The following LY75 variants were observed in gnomAD, a reference collection of about 807,000 sequenced individuals.
LY75 encodes the protein lymphocyte antigen 75, also known as C-type lectin domain family 13 member B.
Under a neutral mutation model 231.7 loss-of-function variants are expected in LY75, and 185 were observed. The ratio of observed to expected loss-of-function variants is 0.80; its 90% CI spans 0.71 to 0.90. The LOEUF is 0.90. Among genes scored for constraint, LY75 ranks in the 40% least tolerant of loss-of-function variants. The pLI, the probability that LY75 is intolerant of heterozygous loss-of-function variation, is 0.00. For missense variants in LY75, 1,947 were observed against 2,050.2 expected (o/e 0.95, Z 0.97); for synonymous variants, 668 against 689.0 (o/e 0.97, Z 0.48).
chr2:159,830,112 C>A (rs1168861880), intron 28 of LY75, among the ~76,000 whole-genome samples: 1 of 152,194 alleles, frequency 6.6e-6, no homozygotes. Flanking sequence ...AACTTATCCT[C>A]ACTTGGTAAA....
At chr2:159,879,490 A>G in intron 8 of LY75, 121 bp from the exon 9 acceptor site, 1 of 1,404,482 alleles carries the variant, frequency 7.1e-7, no homozygotes, top group Non-Finnish European at 9.6e-7. Context: ...TGAATTATCA[A>G]ATGTGAGAAC....
At chr2:159,854,593 C>G in intron 17 of LY75, 58 bp from the exon 18 acceptor site, 2 of 1,554,868 alleles carry the variant, frequency 1.3e-6, no homozygotes, top group South Asian at 1.2e-5. Context: ...ACTGTGTCCT[C>G]TAAGCATGAG....
At chr2:159,879,410 A>G in intron 8 of LY75, 41 bp from the exon 9 acceptor site, 1 of 1,610,066 alleles carries the variant, frequency 6.2e-7, no homozygotes, top group Non-Finnish European at 8.5e-7. Context: ...AAAGGAAATT[A>G]TTTACCGCAT....
intron 25 of LY75, among the ~76,000 whole-genome samples, chr2:159,840,221 A>C (rs554861506): frequency 7.2e-5 from 11 of 152,178 alleles, no homozygotes; most frequent in African/African-American, 2.2e-4. Context: ...CCTTTTCCTC[A>C]TTTAAACAAT....
chr2:159,873,532 G>A (rs182765113), intron 12 of LY75, among the ~76,000 whole-genome samples: 311 of 152,208 alleles, frequency 2.0e-3, no homozygotes, highest in Non-Finnish European at 3.1e-3. Flanking sequence ...CCTGAAGTTG[G>A]GAGCAGAGGT....
intron 28 of LY75, among the ~76,000 whole-genome samples, chr2:159,822,426 G>A (rs568744295): frequency 6.6e-6 from 1 of 152,356 alleles, no homozygotes; most frequent in South Asian, 2.1e-4. Context: ...CTGCTGGGAA[G>A]TTTGAACTGG....
At position 159,872,434 on chromosome 2, in the gene LY75, C is replaced by T. The variant is rs1485410466; in HGVS notation, c.2117+17G>A. On this transcript the variant is annotated intron_variant, in intron 13 of 34. Coordinates refer to ENST00000263636, the MANE Select transcript of LY75 (RefSeq NM_002349.4). ...ACATCAAATTCAGCATAGAAATTCT[C>T]ATTCTTAAAGTATTACCTGAACTGG... The T allele has an allele frequency of 6.2e-7, 1 of 1,609,646 alleles. No individual in the cohort carries two copies. Among genetic ancestry groups the T allele is most frequent in the Non-Finnish European group, 8.5e-7 (1 of 1,178,128 alleles).
At chr2:159,825,495 C>A (rs1026070068) in intron 28 of LY75, among the ~76,000 whole-genome samples, 1 of 152,134 alleles carries the variant, frequency 6.6e-6, no homozygotes, top group African/African-American at 2.4e-5. Flanking sequence ...AAGTCCAGGA[C>A]CAGACAGATT....
In LY75 at chr2:159,816,865, G is replaced by T. The variant is rs777666909; in HGVS notation, c.4321C>A (p.Leu1441Met). The change falls in exon 30 of 35, where the codon CTG becomes ATG. Residue 1441 changes from leucine (L) to methionine (M), a missense_variant. Leu to Met is a conservative substitution (Grantham distance 15). Coordinates refer to ENST00000263636, the MANE Select transcript of LY75 (RefSeq NM_002349.4). ...SVHNQNGQLF[L>M]EDIVKRDGFP... ...CCATCACGTTTTACAATATCTTCCA[G>T]AAAGAGCTGGCCATTTTGGTTGTGA... is the stretch of plus-strand genomic sequence containing the variant. The T allele has an allele frequency of 6.2e-7, 1 of 1,614,164 alleles. No individual in the cohort carries two copies. The highest frequency in any genetic ancestry group is 1.1e-5 in the South Asian group (1 of 91,080).
intron 4 of LY75, among the ~76,000 whole-genome samples, chr2:159,887,581 A>AAAAAAAG (rs1685633441): frequency 1.3e-5 from 2 of 149,642 alleles, no homozygotes; most frequent in African/African-American, 5.0e-5. Flanking sequence ...AAAAAAAAAA[A>AAAAAAAG]AAAGAAAAAA....
At chr2:159,872,308 G>T in intron 13 of LY75, 143 bp downstream of exon 13, 1 of 1,040,398 alleles carries the variant, frequency 9.6e-7, no homozygotes, top group Non-Finnish European at 1.4e-6. Context: ...AATGTTCCAT[G>T]ACTGCTAAGC....
At chr2:159,882,893 G>C (rs957807470) in intron 6 of LY75, among the ~76,000 whole-genome samples, 16 of 152,062 alleles carry the variant, frequency 1.1e-4, no homozygotes, top group Non-Finnish European at 1.8e-4. Flanking sequence ...CCTCCCCTCT[G>C]CTAGACAGAT....
chr2:159,853,984 T>C (rs1268170680), intron 18 of LY75, among the ~76,000 whole-genome samples: 1 of 152,220 alleles, frequency 6.6e-6, no homozygotes, highest in Non-Finnish European at 1.5e-5. Flanking sequence ...TTGCAATTGA[T>C]TATAAATTTA....
At position 159,834,167 on chromosome 2, in the gene LY75, G is replaced by A; in HGVS notation, c.3718C>T (p.Pro1240Ser). The A allele has an allele frequency of 6.2e-7, 1 of 1,613,968 alleles. No individual in the cohort carries two copies. Among genetic ancestry groups the A allele is most frequent in the Non-Finnish European group, 8.5e-7 (1 of 1,179,924 alleles). Reference sequence around the variant, plus strand: ...CACGGAGTATTTAGAACAGGAGATGGACATTTAACACTGTCAACTGGTTTG... The same window carrying A: ...CACGGAGTATTTAGAACAGGAGATGAACATTTAACACTGTCAACTGGTTTG... ...EVKPVDSVKC[P>S]SPVLNTPWIP... Residue 1240 changes from proline (P) to serine (S), a missense_variant, in exon 27 of 35, where the codon CCA (proline) becomes TCA (serine). By Grantham distance (74) the Pro-to-Ser change is moderately conservative. Transcript: ENST00000263636.
intron 23 of LY75, among the ~76,000 whole-genome samples, chr2:159,846,869 A>G (rs1343080281): frequency 6.6e-6 from 1 of 152,196 alleles, no homozygotes; most frequent in African/African-American, 2.4e-5. Flanking sequence ...TTGATGAACT[A>G]CGAATGATTA....
At chr2:159,849,688 T>C (rs1684323150) in intron 23 of LY75, among the ~76,000 whole-genome samples, 1 of 152,146 alleles carries the variant, frequency 6.6e-6, no homozygotes, top group Non-Finnish European at 1.5e-5. Context: ...TTAAAGTACA[T>C]ATTCAATAGT....
intron 31 of LY75, 144 bp from the exon 32 acceptor site, chr2:159,810,819 C>A: frequency 1.6e-6 from 2 of 1,221,914 alleles, no homozygotes; most frequent in Non-Finnish European, 1.1e-6. Flanking sequence ...ACAGCCCACA[C>A]TCTATAAATA....
chr2:159,892,664 A>C (rs1685795351), intron 3 of LY75, among the ~76,000 whole-genome samples: 1 of 152,156 alleles, frequency 6.6e-6, no homozygotes, highest in South Asian at 2.1e-4. Context: ...AGTACCTATC[A>C]CATGTCAGGT....
At position 159,819,598 on chromosome 2, in the gene LY75, C is replaced by T. The variant is rs1010788060; in HGVS notation, c.4153+128G>A. 1.0e-5 allele frequency: 12 copies of T among 1,186,842 alleles called. No individual in the cohort carries two copies. The African/African-American group carries it at 1.4e-4, about 14-fold the overall frequency. The allele number at this position is 1,186,842 out of a possible 1,614,324, so 73.5% of individuals were successfully genotyped here. A position where few individuals can be genotyped will look rare whatever the true frequency, so the allele number is the denominator to read the frequency against. ...CCGTATCTTTTCCTTCCTCGATAAC[C>T]TCTGTAACACCTCGCACAGGACTGA... On this transcript the variant is annotated intron_variant, in intron 29 of 34. Coordinates refer to ENST00000263636, the MANE Select transcript of LY75 (RefSeq NM_002349.4).
Sources: allele counts gnomAD v4.1 joint callset (sites outside exome capture counted in the v4.1 genomes callset), GRCh38; gene constraint gnomAD v4.1.1; transcripts MANE v1.5; gene names NCBI Gene and HGNC (gene_info 2026-07-23, HGNC 2026-07-21).